The following RIMS2 variants were observed in gnomAD, a reference collection of about 807,000 sequenced individuals.
RIMS2 encodes regulating synaptic membrane exocytosis 2.
Under a neutral mutation model 174.4 loss-of-function variants are expected in RIMS2, and 59 were observed. That is an observed-to-expected ratio of 0.34 (90% confidence interval 0.27 to 0.42). The LOEUF (loss-of-function observed/expected upper bound fraction) is 0.42, where lower values mean the gene tolerates loss of function less well. Among genes scored for constraint, RIMS2 ranks in the 10% least tolerant of loss-of-function variants. The pLI is 1.00. For synonymous variants in RIMS2, 606 were observed against 572.5 expected (o/e 1.06, Z -0.84); for missense variants, 1,620 against 1,666.3 (o/e 0.97, Z 0.48).
At chr8:103,547,405 T>TTTTA (rs1480760565) in intron 1 of RIMS2, among the ~76,000 whole-genome samples, 4 of 152,174 alleles carry the variant, frequency 2.6e-5, no homozygotes, top group Admixed American at 6.5e-5. Flanking sequence ...TTCTCCTGAA[T>TTTTA]GACTTTTGGC....
intron 1 of RIMS2, among the ~76,000 whole-genome samples, chr8:103,601,639 T>C (rs927040487): frequency 6.6e-6 from 1 of 152,172 alleles, no homozygotes; most frequent in Non-Finnish European, 1.5e-5. Flanking sequence ...TGTCTTTTGA[T>C]TGGAAAGTTT....
intron 4 of RIMS2, among the ~76,000 whole-genome samples, chr8:103,899,635 G>A (rs2099315703): frequency 6.6e-6 from 1 of 151,390 alleles, no homozygotes; most frequent in Non-Finnish European, 1.5e-5. Context: ...TGTCGTATGG[G>A]TAGATTGCAA....
intron 14 of RIMS2, among the ~76,000 whole-genome samples, chr8:103,947,202 TC>T (rs2084013055): frequency 6.6e-6 from 1 of 152,158 alleles, no homozygotes; most frequent in Non-Finnish European, 1.5e-5. Flanking sequence ...GGCAGAGTTT[TC>T]CCCAAAACAC....
intron 1 of RIMS2, among the ~76,000 whole-genome samples, chr8:103,546,450 A>G (rs1200467126): frequency 6.6e-6 from 1 of 152,206 alleles, no homozygotes; most frequent in Non-Finnish European, 1.5e-5. Context: ...TCAAAACCCC[A>G]TGGACAGTAT....
chr8:103,955,554 TTCATGCTAAAAAGTC>T (rs2086879464), intron 14 of RIMS2, among the ~76,000 whole-genome samples: 1 of 152,154 alleles, frequency 6.6e-6, no homozygotes, highest in Non-Finnish European at 1.5e-5. Context: ...TCAACACCCC[TTCATGCTAAAAAGTC>T]TCAATAAACT....
intron 1 of RIMS2, among the ~76,000 whole-genome samples, chr8:103,502,130 C>G (rs775935021): frequency 1.3e-5 from 2 of 152,006 alleles, no homozygotes; most frequent in Non-Finnish European, 2.9e-5. Flanking sequence ...TCAGATGATT[C>G]TTTTGCGTTT....
At chr8:103,583,388 G>T (rs1389431461) in intron 1 of RIMS2, among the ~76,000 whole-genome samples, 1 of 152,172 alleles carries the variant, frequency 6.6e-6, no homozygotes, top group African/African-American at 2.4e-5. Context: ...CACTGAAGAA[G>T]ATCTGCTAGC....
chr8:103,971,440 C>T (rs907720794), intron 15 of RIMS2, among the ~76,000 whole-genome samples: 1 of 152,090 alleles, frequency 6.6e-6, no homozygotes, highest in African/African-American at 2.4e-5. Flanking sequence ...TAGCAACAAT[C>T]CTAACATCTT....
intron 14 of RIMS2, among the ~76,000 whole-genome samples, chr8:103,960,038 C>A (rs925920032): frequency 6.8e-6 from 1 of 148,008 alleles, no homozygotes; most frequent in Non-Finnish European, 1.5e-5. Context: ...ACACAAAAAA[C>A]CCGTCAAAAA....
chr8:103,952,750 A>G (rs1284745834), intron 14 of RIMS2, among the ~76,000 whole-genome samples: 1 of 152,152 alleles, frequency 6.6e-6, no homozygotes. Flanking sequence ...ACTAAACTGG[A>G]TAGAGAATGA....
chr8:103,599,957 C>T (rs986958825), intron 1 of RIMS2, among the ~76,000 whole-genome samples: 1 of 152,022 alleles, frequency 6.6e-6, no homozygotes, highest in South Asian at 2.1e-4. Flanking sequence ...ACTATAGTCA[C>T]CCTGTTGTGC....
intron 19 of RIMS2, among the ~76,000 whole-genome samples, chr8:104,020,110 T>C (rs1262438020): frequency 6.6e-6 from 1 of 152,120 alleles, no homozygotes; most frequent in Non-Finnish European, 1.5e-5. Flanking sequence ...TTTTTACTTT[T>C]CCTATGAGAT....
At chr8:104,140,705 G>A (rs2098558335) in intron 19 of RIMS2, among the ~76,000 whole-genome samples, 1 of 152,136 alleles carries the variant, frequency 6.6e-6, no homozygotes, top group Admixed American at 6.6e-5. Flanking sequence ...TACCATTTCA[G>A]CCCCCACTTG....
chr8:104,205,758 A>ATTTT (rs1400866418), intron 19 of RIMS2, among the ~76,000 whole-genome samples: 1 of 144,528 alleles, frequency 6.9e-6, no homozygotes, highest in African/African-American at 2.6e-5. Context: ...ATTTATTTGA[A>ATTTT]TTTTTTTTTT....
chr8:104,134,621 G>A (rs542458226), intron 19 of RIMS2, among the ~76,000 whole-genome samples: 10 of 152,292 alleles, frequency 6.6e-5, no homozygotes, highest in Non-Finnish European at 1.5e-4. Flanking sequence ...TATGGTGTTG[G>A]CTATTGTTTG....
Position 103,753,420 on chromosome 8 carries a change from G to T in RIMS2, c.388-12807G>T, listed in dbSNP as rs552717846. ...TCTTTTTTGGTTGTGTCTCTGCCCGGCTTTGGTATCAGGATGATGCTGGCC... is the reference window on the plus strand; with the variant it reads ...TCTTTTTTGGTTGTGTCTCTGCCCGTCTTTGGTATCAGGATGATGCTGGCC... On this transcript the variant is annotated intron_variant, in intron 2 of 23. Transcript: ENST00000504942. Among the ~76,000 whole-genome samples, 58 of 152,146 alleles carry T rather than the reference G, an allele frequency of 3.8e-4. 1 individual carries two copies. Among genetic ancestry groups the T allele is most frequent in the Non-Finnish European group, 6.3e-4 (43 of 68,018 alleles).
chr8:104,255,789 G>A (rs1326602097), downstream of RIMS2: 1 of 152,176 alleles, frequency 6.6e-6, no homozygotes, highest in Non-Finnish European at 1.5e-5. Context: ...GAAGAAACAG[G>A]AGTTCACACA....
intron 19 of RIMS2, among the ~76,000 whole-genome samples, chr8:104,133,890 G>A (rs2098495295): frequency 6.6e-6 from 1 of 152,124 alleles, no homozygotes; most frequent in Admixed American, 6.5e-5. Flanking sequence ...ATATGTTTGA[G>A]AGAAAAGATT....
At chr8:103,799,998 C>T (rs1175161235) in intron 3 of RIMS2, among the ~76,000 whole-genome samples, 1 of 152,142 alleles carries the variant, frequency 6.6e-6, no homozygotes, top group Non-Finnish European at 1.5e-5. Flanking sequence ...TAAATTAAGT[C>T]AGAGTTCACT....
Sources: gnomAD v4.1 joint callset for allele counts (sites outside exome capture counted in the v4.1 genomes callset) on GRCh38, gnomAD v4.1.1 for gene constraint, MANE v1.5 for transcripts, NCBI Gene and HGNC (gene_info 2026-07-23, HGNC 2026-07-21) for gene names.